Variants in PPP6R2 observed in about 807,000 individuals in gnomAD.
PPP6R2 encodes serine/threonine-protein phosphatase 6 regulatory subunit 2.
Under a neutral mutation model 100.2 loss-of-function variants are expected in PPP6R2, and 62 were observed. The observed-to-expected ratio is 0.62, with a 90% CI of 0.50 to 0.76. The LOEUF (loss-of-function observed/expected upper bound fraction) is 0.76, where lower values mean the gene tolerates loss of function less well. Ranked by LOEUF, PPP6R2 falls within the 30% of genes least tolerant of loss-of-function variation. The probability of loss-of-function intolerance (pLI) is 0.00; values close to 1 mark genes in which losing one functional copy is unlikely to be tolerated. For missense variants in PPP6R2, 1,142 were observed against 1,276.3 expected (o/e 0.89, Z 1.60); for synonymous variants, 525 against 514.7 (o/e 1.02, Z -0.27).
At chr22:50,368,070 A>T (rs901464954) in intron 1 of PPP6R2, among the ~76,000 whole-genome samples, 2 of 152,220 alleles carry the variant, frequency 1.3e-5, no homozygotes, top group African/African-American at 4.8e-5. Context: ...TATTTCTTCT[A>T]TGCATTTCAA....
intron 22 of PPP6R2, among the ~76,000 whole-genome samples, chr22:50,441,655 C>T (rs955243022): frequency 5.8e-5 from 8 of 137,720 alleles, no homozygotes; most frequent in Non-Finnish European, 9.6e-5. Context: ...GAGGCCCAGG[C>T]TCCCTTGAGC....
chr22:50,423,107 G>C lies in PPP6R2; in HGVS notation c.973-355G>C, dbSNP rs2061554254. The stretch of plus-strand genomic sequence containing the variant: ...TGTGGCCGCAGAGGGACCCCCACTG[G>C]GCATCCTCAGTGAGGCATCGTGCCA... On this transcript the variant is annotated intron_variant, in intron 9 of 23. Transcript: ENST00000612753. This position sits in a 1 kb window ranked among gnomAD's most constrained non-coding sequence, Gnocchi z 4.8. Among the ~76,000 whole-genome samples, 1 of 152,094 alleles carries C rather than the reference G, an allele frequency of 6.6e-6. No homozygotes were observed. The highest frequency in any genetic ancestry group is 1.5e-5 in the Non-Finnish European group (1 of 68,012).
chr22:50,353,804 C>G (rs1403824888), intron 1 of PPP6R2, among the ~76,000 whole-genome samples: 1 of 142,946 alleles, frequency 7.0e-6, no homozygotes, highest in Non-Finnish European at 1.5e-5. Context: ...TAGTGTGACT[C>G]AAAAGCCTCT....
At chr22:50,334,811 C>T in the PPP6R2 span, among the ~76,000 whole-genome samples, 228 of 152,074 alleles carry the variant, frequency 1.5e-3, 2 homozygotes, top group African/African-American at 5.3e-3. Context: ...ACTAAAAATG[C>T]AAAAAATTAG....
intron 12 of PPP6R2, 21 bp downstream of exon 12, chr22:50,432,350 G>C: frequency 5.2e-6 from 8 of 1,545,484 alleles, no homozygotes; most frequent in Non-Finnish European, 6.1e-6. Flanking sequence ...CTCGGACGTG[G>C]AGGGACCCAG....
Position 50,437,112 on chromosome 22 carries a change from G to T in PPP6R2, c.1683+44G>T, listed in dbSNP as rs773505544. 11 of 1,501,456 alleles carry T rather than the reference G, an allele frequency of 7.3e-6. No individual in the cohort carries two copies. In the African/African-American group the frequency reaches 9.7e-5, roughly 13 times the overall value. The allele number at this position is 1,501,456 out of a possible 1,614,324, so 93.0% of individuals were successfully genotyped here. ...CCTGCACCCTGCCGGGCCCTTCCCG[G>T]CACCTGTGTGCGCTGCGCTTGGTCC... On this transcript the variant is annotated intron_variant, in intron 15 of 23. Transcript: ENST00000612753.
At chr22:50,339,445 T>C (rs1202620512), upstream of PPP6R2, among the ~76,000 whole-genome samples, 3 of 122,386 alleles carry the variant, frequency 2.5e-5, no homozygotes, top group Non-Finnish European at 5.1e-5. Flanking sequence ...ACGGTGTGTG[T>C]TGTGTGTGGT....
chr22:50,393,986 G>A lies in PPP6R2; in HGVS notation c.78G>A (p.Glu26=). 6.2e-7 allele frequency: 1 copy of A among 1,614,218 alleles called. No individual in the cohort carries two copies. The highest frequency in any genetic ancestry group is 8.5e-7 in the Non-Finnish European group (1 of 1,180,048). The change falls in exon 3 of 24, where the codon GAG becomes GAA. Residue 26 remains glutamate (E), a synonymous_variant. Transcript: ENST00000612753. Reference sequence around the variant, plus strand: ...ACAAGGAGCATGTGACGCTGCAGGAGTTAATGGATGAAGATGACATCTTGC... The same window carrying A: ...ACAAGGAGCATGTGACGCTGCAGGAATTAATGGATGAAGATGACATCTTGC... ...LLDKEHVTLQ[E]LMDEDDILQE...
chr22:50,428,005 C>T (rs544728530), intron 10 of PPP6R2, among the ~76,000 whole-genome samples: 53 of 151,308 alleles, frequency 3.5e-4, no homozygotes, highest in Non-Finnish European at 6.7e-4. Flanking sequence ...TAGGCGTGAG[C>T]CACCACGCCC....
At chr22:50,399,591 T>G (rs1288023172) in intron 3 of PPP6R2, among the ~76,000 whole-genome samples, 1 of 152,244 alleles carries the variant, frequency 6.6e-6, no homozygotes, top group Non-Finnish European at 1.5e-5. Flanking sequence ...AGTGGAGAAT[T>G]TGCCTGAGCT....
upstream of PPP6R2, among the ~76,000 whole-genome samples, chr22:50,338,696 GGTGT>G (rs1262058860): frequency 7.2e-6 from 1 of 138,994 alleles, no homozygotes; most frequent in Admixed American, 7.1e-5. Context: ...TGGTGTGTGT[GGTGT>G]GTGTAGGGTG....
At chr22:50,394,166 G>A (rs946314359) in intron 3 of PPP6R2, 31 bp downstream of exon 3, 7 of 1,606,442 alleles carry the variant, frequency 4.4e-6, no homozygotes, top group African/African-American at 1.3e-5. Flanking sequence ...GGGCCAGTAC[G>A]CCAGGCAGTG....
chr22:50,412,718 T>C (rs1181565608), intron 4 of PPP6R2, among the ~76,000 whole-genome samples: 2 of 135,042 alleles, frequency 1.5e-5, no homozygotes, highest in Non-Finnish European at 3.1e-5. Context: ...CTCGGCTCAC[T>C]GCAAGCTCTG....
rs567573882 is a variant in PPP6R2, at chr22:50,416,074, C to A, written c.553-18C>A. 2 of 1,606,830 alleles carry A rather than the reference C, an allele frequency of 1.2e-6. No homozygotes were observed. Among genetic ancestry groups the A allele is most frequent in the African/African-American group, 2.7e-5 (2 of 74,870 alleles). On this transcript the variant is annotated intron_variant, in intron 5 of 23. Transcript: ENST00000612753. ...AGACTTGAGCAGCGACACTGAAAGG[C>A]CTCTTTTTCTCTTTCAGTGGCTGAA... is the stretch of plus-strand genomic sequence containing the variant.
At chr22:50,410,794 G>A (rs2147300015) in intron 4 of PPP6R2, among the ~76,000 whole-genome samples, 1 of 151,306 alleles carries the variant, frequency 6.6e-6, no homozygotes, top group Admixed American at 6.6e-5. Flanking sequence ...CAAGGATTTT[G>A]TTTTTGTTTT....
chr22:50,373,875 A>G (rs563639630), intron 2 of PPP6R2, among the ~76,000 whole-genome samples: 14 of 152,194 alleles, frequency 9.2e-5, no homozygotes, highest in Non-Finnish European at 1.2e-4. Flanking sequence ...CTGGGATTAC[A>G]GGCACCAGCC....
At chr22:50,333,375 C>T in the PPP6R2 span, among the ~76,000 whole-genome samples, 5 of 148,690 alleles carry the variant, frequency 3.4e-5, no homozygotes, top group Non-Finnish European at 3.0e-5. Context: ...CTCGCTCTGT[C>T]GCCCAGGCTA....
intron 2 of PPP6R2, among the ~76,000 whole-genome samples, chr22:50,372,702 T>G (rs1351203726): frequency 6.6e-6 from 1 of 151,998 alleles, no homozygotes; most frequent in Non-Finnish European, 1.5e-5. Flanking sequence ...TCTTCTTTTT[T>G]TTTTGAGACG....
In PPP6R2 at chr22:50,443,976, C is replaced by T. The variant is rs747987760; in HGVS notation, c.2690C>T (p.Thr897Ile). 1 of 1,612,492 alleles carries T rather than the reference C, an allele frequency of 6.2e-7. No homozygotes were observed. The highest frequency in any genetic ancestry group is 8.5e-7 in the Non-Finnish European group (1 of 1,179,738). ...VPPEATVAIT[T>I]ALSKAGPAIP... ...CCCGAGGCTACTGTGGCCATCACCACAGCACTGAGCAAGGCTGGCCCCGCC... is the reference window on the plus strand; with the variant it reads ...CCCGAGGCTACTGTGGCCATCACCATAGCACTGAGCAAGGCTGGCCCCGCC... The change falls in exon 23 of 24, where the codon ACA (threonine) becomes ATA (isoleucine). Residue 897 changes from threonine (T) to isoleucine (I), a missense_variant. This residue lies in a region of PPP6R2 where 550 missense variants were observed against 517.4 expected (regional missense o/e 1.06). Coordinates refer to ENST00000612753, the MANE Select transcript of PPP6R2 (RefSeq NM_001242898.2).
Sources: gnomAD v4.1 joint callset for allele counts (sites outside exome capture counted in the v4.1 genomes callset) on GRCh38, gnomAD v4.1.1 for gene constraint, gnomAD v4.1.1 regional missense constraint, Gnocchi (gnomAD v3.1) non-coding constraint, MANE v1.5 for transcripts, NCBI Gene and HGNC (gene_info 2026-07-23, HGNC 2026-07-21) for gene names.